The following HDAC9 variants were observed in gnomAD, a reference collection of about 807,000 sequenced individuals.
The protein encoded by HDAC9 is MEF-2 interacting transcription repressor (MITR) protein.
HDAC9 carries 41 observed loss-of-function variants against 139.4 expected under a neutral mutation model. That is an observed-to-expected ratio of 0.29 (90% CI 0.23 to 0.38). The LOEUF (loss-of-function observed/expected upper bound fraction) is 0.38, where lower values mean the gene tolerates loss of function less well. Ranked by LOEUF, HDAC9 falls within the 10% of genes least tolerant of loss-of-function variation. HDAC9 has a pLI of 1.00. For missense variants in HDAC9, 1,147 were observed against 1,297.0 expected (o/e 0.88, Z 1.78); for synonymous variants, 517 against 476.2 (o/e 1.09, Z -1.12).
chr7:18,662,868 A>G (rs1793644812), intron 11 of HDAC9, among the ~76,000 whole-genome samples: 1 of 152,120 alleles, frequency 6.6e-6, no homozygotes, highest in South Asian at 2.1e-4. Context: ...AACACTCAGC[A>G]TGATCGTAAT....
chr7:18,897,168 G>GA (rs11385376), intron 22 of HDAC9, among the ~76,000 whole-genome samples: 23,396 of 151,738 alleles, frequency 0.15, 1,882 homozygotes, highest in South Asian at 0.33. Flanking sequence ...AATAATGGCT[G>GA]AAAAAATCTG....
intron 2 of HDAC9, among the ~76,000 whole-genome samples, chr7:18,189,377 A>G (rs1197529428): frequency 6.6e-6 from 1 of 152,028 alleles, no homozygotes; most frequent in Non-Finnish European, 1.5e-5. Flanking sequence ...TTTAGAGGAC[A>G]GGTCAATAGG....
At chr7:18,694,504 T>G (rs1782897534) in intron 12 of HDAC9, among the ~76,000 whole-genome samples, 1 of 152,170 alleles carries the variant, frequency 6.6e-6, no homozygotes, top group Non-Finnish European at 1.5e-5. Flanking sequence ...AGAACTGGTT[T>G]ATCTCCAAAG....
At chr7:18,275,442 G>C (rs1034210771) in intron 2 of HDAC9, among the ~76,000 whole-genome samples, 5 of 152,150 alleles carry the variant, frequency 3.3e-5, no homozygotes, top group African/African-American at 1.2e-4. Flanking sequence ...TATGAATCAT[G>C]TTGTATTACT....
At chr7:18,882,194 A>AT (rs903524530) in intron 22 of HDAC9, among the ~76,000 whole-genome samples, 11 of 151,944 alleles carry the variant, frequency 7.2e-5, no homozygotes, top group East Asian at 5.8e-4. Context: ...GGAGTTCATA[A>AT]TTTTTTTTCT....
chr7:18,804,399 T>C (rs759693288), intron 17 of HDAC9, among the ~76,000 whole-genome samples: 1 of 152,184 alleles, frequency 6.6e-6, no homozygotes, highest in South Asian at 2.1e-4. Flanking sequence ...AAACACGCTG[T>C]GGTTCATACA....
chr7:18,175,637 G>A (rs745695108), intron 2 of HDAC9, among the ~76,000 whole-genome samples: 10 of 152,132 alleles, frequency 6.6e-5, no homozygotes, highest in Admixed American at 1.3e-4. Context: ...GTGTTGATTT[G>A]TGTTGCTTTG....
At chr7:18,240,168 A>G (rs1206429350) in intron 2 of HDAC9, among the ~76,000 whole-genome samples, 3 of 152,174 alleles carry the variant, frequency 2.0e-5, no homozygotes, top group Non-Finnish European at 4.4e-5. Flanking sequence ...GCTATTTCCT[A>G]GATTTATAAC....
chr7:18,530,585 T>C (rs920436624), intron 2 of HDAC9, among the ~76,000 whole-genome samples: 1 of 152,090 alleles, frequency 6.6e-6, no homozygotes, highest in Non-Finnish European at 1.5e-5. Flanking sequence ...TTGAGAAGTC[T>C]CTGAAAGGGT....
At chr7:18,115,107 C>T (rs1003837509) in intron 1 of HDAC9, among the ~76,000 whole-genome samples, 9 of 152,064 alleles carry the variant, frequency 5.9e-5, no homozygotes, top group East Asian at 3.9e-4. Context: ...GTGGCTAACA[C>T]GGTGAAACCC....
intron 1 of HDAC9, among the ~76,000 whole-genome samples, chr7:18,402,425 C>T (rs536307225): frequency 8.5e-5 from 13 of 152,140 alleles, no homozygotes; most frequent in Non-Finnish European, 1.5e-4. Flanking sequence ...AGAGCCTGTG[C>T]AAAGGCATGA....
intron 22 of HDAC9, among the ~76,000 whole-genome samples, chr7:18,879,922 G>A (rs74187291): frequency 6.6e-6 from 1 of 152,066 alleles, no homozygotes; most frequent in Admixed American, 6.6e-5. Flanking sequence ...TCTGACAAAG[G>A]TCTAATATTC....
intron 25 of HDAC9, among the ~76,000 whole-genome samples, chr7:18,986,726 T>G (rs980052809): frequency 3.9e-5 from 6 of 152,232 alleles, no homozygotes; most frequent in Non-Finnish European, 8.8e-5. Flanking sequence ...TCCCATTTGT[T>G]TGTATCCTCT....
intron 22 of HDAC9, among the ~76,000 whole-genome samples, chr7:18,885,624 C>A (rs921369784): frequency 6.6e-6 from 1 of 152,104 alleles, no homozygotes; most frequent in Non-Finnish European, 1.5e-5. Context: ...TCTAGACTTC[C>A]GCCTTCATTT....
intron 15 of HDAC9, among the ~76,000 whole-genome samples, chr7:18,766,461 A>ATTGATG (rs551871229): frequency 1.4e-4 from 22 of 152,272 alleles, no homozygotes; most frequent in African/African-American, 5.3e-4. Context: ...TTATATTGAT[A>ATTGATG]TTGATGTTAT....
At chr7:18,375,202 GCT>G (rs1319456042) in intron 1 of HDAC9, among the ~76,000 whole-genome samples, 1 of 152,218 alleles carries the variant, frequency 6.6e-6, no homozygotes, top group Non-Finnish European at 1.5e-5. Context: ...GGGTGAGGCG[GCT>G]CACGCCTGGA....
intron 2 of HDAC9, among the ~76,000 whole-genome samples, chr7:18,244,229 A>C (rs1219094393): frequency 6.6e-6 from 1 of 152,180 alleles, no homozygotes; most frequent in South Asian, 2.1e-4. Context: ...CTTTTTATGC[A>C]ACAAAAACTG....
rs140380874 is a variant in HDAC9, at chr7:18,684,491, A to G, written c.1731+18015A>G. Among the ~76,000 whole-genome samples the G allele has an allele frequency of 2.5e-4, 38 of 151,936 alleles. No homozygotes were observed. In the East Asian group the frequency reaches 7.4e-3, roughly 30 times the overall value. Reference sequence around the variant, plus strand: ...AAACAAACAAACAAACAAACAAACAAACAATAAAACTATACTGAAAAGGCT... The same window carrying G: ...AAACAAACAAACAAACAAACAAACAGACAATAAAACTATACTGAAAAGGCT... On this transcript the variant is annotated intron_variant, in intron 12 of 25. Transcript: ENST00000686413.
intron 1 of HDAC9, among the ~76,000 whole-genome samples, chr7:18,432,276 G>T (rs948352458): frequency 1.4e-4 from 22 of 152,266 alleles, no homozygotes; most frequent in African/African-American, 5.3e-4. Flanking sequence ...TTTCTTTTTA[G>T]CTCTGGGTAC....
Sources: allele counts gnomAD v4.1 joint callset (sites outside exome capture counted in the v4.1 genomes callset), GRCh38; gene constraint gnomAD v4.1.1; transcripts MANE v1.5; gene names NCBI Gene and HGNC (gene_info 2026-07-23, HGNC 2026-07-21).